Variants in ZNF264 observed in about 807,000 individuals in gnomAD.
ZNF264 encodes zinc finger protein 264.
ZNF264 carries 11 observed loss-of-function variants against 11.2 expected under a neutral mutation model. The observed-to-expected ratio is 0.98, with a 90% CI of 0.62 to 1.63. The LOEUF is 1.63. Ranked by LOEUF, ZNF264 falls within the 40% of genes most tolerant of loss-of-function variation. ZNF264 has a pLI of 0.00. For missense variants in ZNF264, 752 were observed against 768.1 expected (o/e 0.98, Z 0.25); for synonymous variants, 309 against 279.8 (o/e 1.10, Z -1.04).
chr19:57,212,146 A>G lies in ZNF264; in HGVS notation c.1049A>G (p.Lys350Arg). The G allele has an allele frequency of 3.7e-6, 6 of 1,614,192 alleles. No homozygotes were observed. Among genetic ancestry groups the G allele is most frequent in the East Asian group, 2.2e-5 (1 of 44,878 alleles). ...ENPYECLECG[K>R]VFKHRSYLMW... ...CCCTATGAGTGCTTGGAGTGTGGCA[A>G]GGTCTTCAAACACAGGTCATATCTC... The change falls in exon 4 of 4, where the codon AAG (lysine) becomes AGG (arginine). Residue 350 changes from lysine to arginine, a missense_variant. Physicochemically the swap from Lys to Arg is conservative, Grantham distance 26. Transcript: ENST00000263095.
At position 57,221,947 on chromosome 19, in the gene ZNF264, G is replaced by A. The variant is rs114879852; in HGVS notation, c.*8966G>A. On this transcript the variant is annotated 3_prime_UTR_variant, in exon 4 of 4. Coordinates refer to ENST00000263095, the MANE Select transcript of ZNF264 (RefSeq NM_003417.5). ...TCTCCAACCTGCTGTTTTATACAGT[G>A]ACTTAAGTGGTACTAAAATGCTATA... is the stretch of plus-strand genomic sequence containing the variant. 111 of 152,234 alleles carry A rather than the reference G, an allele frequency of 7.3e-4. No homozygotes were observed. The highest frequency in any genetic ancestry group is 2.6e-3 in the African/African-American group (109 of 41,520). The allele number at this position is 152,234 out of a possible 1,614,324, so 9.4% of individuals were successfully genotyped here. A position where few individuals can be genotyped will look rare whatever the true frequency, so the allele number is the denominator to read the frequency against.
intron 3 of ZNF264, among the ~76,000 whole-genome samples, chr19:57,206,204 T>C (rs2087290886): frequency 6.6e-6 from 1 of 152,162 alleles, no homozygotes; most frequent in Non-Finnish European, 1.5e-5. Context: ...GCACCTACTC[T>C]CAGTCCACTA....
In ZNF264 at chr19:57,212,975, A is replaced by C. The variant is rs2122768669; in HGVS notation, c.1878A>C (p.Ser626=). 2 of 1,602,652 alleles carry C rather than the reference A, an allele frequency of 1.2e-6. No individual in the cohort carries two copies. The highest frequency in any genetic ancestry group is 2.2e-5 in the South Asian group (2 of 90,384). ...AAAGAGAAACCCCACAAGTGTCTTC[A>C]CTGTGAGAAAACCTTCTGTTGCTGA... is the stretch of plus-strand genomic sequence containing the variant. ...PYQRETPQVS[S]L is the part of the protein sequence containing the mutation. Residue 626 remains serine (S), a synonymous_variant, in exon 4 of 4, where the codon TCA becomes TCC. Coordinates refer to ENST00000263095, the MANE Select transcript of ZNF264 (RefSeq NM_003417.5).
Position 57,211,990 on chromosome 19 carries a change from A to C in ZNF264, c.893A>C (p.His298Pro). Reference protein sequence around the residue: ...KCNECGKAFTHRSNFVLHNRR... With the variant: ...KCNECGKAFTPRSNFVLHNRR... ...AATGAATGCGGAAAGGCCTTCACCC[A>C]CCGCTCCAATTTTGTCTTGCATAAC... Residue 298 changes from histidine (H) to proline (P), a missense_variant, in exon 4 of 4, where the codon CAC becomes CCC. His to Pro is a moderately conservative substitution (Grantham distance 77, BLOSUM62 -2). Transcript: ENST00000263095. 1 of 1,614,038 alleles carries C rather than the reference A, an allele frequency of 6.2e-7. No individual in the cohort carries two copies. Among genetic ancestry groups the C allele is most frequent in the Non-Finnish European group, 8.5e-7 (1 of 1,180,010 alleles).
Position 57,211,594 on chromosome 19 carries a change from G to A in ZNF264, c.497G>A (p.Gly166Asp), listed in dbSNP as rs61730301. 10,305 of 1,614,054 alleles carry A rather than the reference G, an allele frequency of 6.4e-3. 563 individuals carry two copies. In the African/African-American group the frequency reaches 0.12, roughly 19 times the overall value. ...PECDGLGTAD[G>D]VCSRIGQEQV... ...TGTGATGGTTTAGGGACAGCTGATG[G>A]TGTGTGTTCAAGGATTGGACAGGAG... The change falls in exon 4 of 4, where the codon GGT (glycine) becomes GAT (aspartate). Residue 166 changes from glycine to aspartate, a missense_variant. Coordinates refer to ENST00000263095, the MANE Select transcript of ZNF264 (RefSeq NM_003417.5).
chr19:57,211,117 C>G (rs2122763618), intron 3 of ZNF264, among the ~76,000 whole-genome samples: 1 of 152,254 alleles, frequency 6.6e-6, no homozygotes, highest in Admixed American at 6.5e-5. Context: ...GTGAAGGTGG[C>G]TCCACGAACA....
intron 2 of ZNF264, among the ~76,000 whole-genome samples, chr19:57,198,978 G>A (rs556064763): frequency 2.6e-5 from 4 of 151,906 alleles, no homozygotes; most frequent in East Asian, 1.9e-4. Flanking sequence ...TTGTCCATTC[G>A]ACCTGGAAGT....
At position 57,216,695 on chromosome 19, in the gene ZNF264, T is replaced by A. The variant is rs911772423; in HGVS notation, c.*3714T>A. The A allele has an allele frequency of 1.3e-5, 2 of 152,194 alleles. No homozygotes were observed. Among genetic ancestry groups the A allele is most frequent in the Admixed American group, 6.5e-5 (1 of 15,276 alleles). The allele number at this position is 152,194 out of a possible 1,614,324, so 9.4% of individuals were successfully genotyped here. ...GCATATACTCAGGCCATGCTTTTTT[T>A]ATTCATTCTGCATATGTCTCTCTTA... On this transcript the variant is annotated 3_prime_UTR_variant, in exon 4 of 4. Coordinates refer to ENST00000263095, the MANE Select transcript of ZNF264 (RefSeq NM_003417.5).
rs1210593281 is a variant in ZNF264 at position 57,217,199 on chromosome 19, C to T, written c.*4218C>T. 6.6e-6 allele frequency: 1 copy of T among 152,110 alleles called. No individual in the cohort carries two copies. The highest frequency in any genetic ancestry group is 1.5e-5 in the Non-Finnish European group (1 of 68,000). The allele number at this position is 152,110 out of a possible 1,614,324, so 9.4% of individuals were successfully genotyped here. On this transcript the variant is annotated 3_prime_UTR_variant, in exon 4 of 4. Coordinates refer to ENST00000263095, the MANE Select transcript of ZNF264 (RefSeq NM_003417.5). Reference sequence around the variant, plus strand: ...ACCATTGTAAAGTCAAGTAGTAAGTCGAACCATCCTAAGTCAGGGACTGTC... The same window carrying T: ...ACCATTGTAAAGTCAAGTAGTAAGTTGAACCATCCTAAGTCAGGGACTGTC...
Position 57,217,505 on chromosome 19 carries a change from C to G in ZNF264, c.*4524C>G, listed in dbSNP as rs2087388287. The G allele has an allele frequency of 6.6e-6, 1 of 151,986 alleles. No individual in the cohort carries two copies. The highest frequency in any genetic ancestry group is 2.4e-5 in the African/African-American group (1 of 41,374). 9.4% of individuals were successfully genotyped at this position (151,986 alleles called of 1,614,324 possible). A position where few individuals can be genotyped will look rare whatever the true frequency, so the allele number is the denominator to read the frequency against. Reference sequence around the variant, plus strand: ...CGATCTCGGCTCTCTGCAACCTCTGCCTCCCGGGTTCAAGCAATTAACTGC... The same window carrying G: ...CGATCTCGGCTCTCTGCAACCTCTGGCTCCCGGGTTCAAGCAATTAACTGC... On this transcript the variant is annotated 3_prime_UTR_variant, in exon 4 of 4. Coordinates refer to ENST00000263095, the MANE Select transcript of ZNF264 (RefSeq NM_003417.5).
chr19:57,206,325 G>A (rs1233490164), intron 3 of ZNF264, among the ~76,000 whole-genome samples: 2 of 152,008 alleles, frequency 1.3e-5, no homozygotes, highest in Non-Finnish European at 2.9e-5. Flanking sequence ...CTCACTGCAA[G>A]CTCCGCCTCC....
rs1366087201 is a variant in ZNF264, at chr19:57,212,131, G to A, written c.1034G>A (p.Cys345Tyr). The change falls in exon 4 of 4, where the codon TGC (cysteine) becomes TAC (tyrosine). Residue 345 changes from cysteine to tyrosine, a missense_variant. Transcript: ENST00000263095. ...VVHSGENPYE[C>Y]LECGKVFKHR... ...CACAGTGGTGAGAATCCCTATGAGT[G>A]CTTGGAGTGTGGCAAGGTCTTCAAA... is the stretch of plus-strand genomic sequence containing the variant. The A allele has an allele frequency of 1.2e-6, 2 of 1,614,202 alleles. No homozygotes were observed. Among genetic ancestry groups the A allele is most frequent in the Admixed American group, 1.7e-5 (1 of 60,030 alleles).
chr19:57,220,093 G>C lies in ZNF264; in HGVS notation c.*7112G>C, dbSNP rs1174916088. 6.6e-6 allele frequency: 1 copy of C among 152,228 alleles called. No homozygotes were observed. The highest frequency in any genetic ancestry group is 1.5e-5 in the Non-Finnish European group (1 of 68,044). The allele number at this position is 152,228 out of a possible 1,614,324, so 9.4% of individuals were successfully genotyped here. The stretch of plus-strand genomic sequence containing the variant: ...AGGCTCAGGTTAAGAATTTGCCCAA[G>C]GTTACACAGTTATGAAGTTTGGATT... On this transcript the variant is annotated 3_prime_UTR_variant, in exon 4 of 4. Coordinates refer to ENST00000263095, the MANE Select transcript of ZNF264 (RefSeq NM_003417.5).
In ZNF264 at chr19:57,216,580, A is replaced by G. The variant is rs2087381775; in HGVS notation, c.*3599A>G. 2 of 152,184 alleles carry G rather than the reference A, an allele frequency of 1.3e-5. No individual in the cohort carries two copies. Among genetic ancestry groups the G allele is most frequent in the East Asian group, 1.9e-4 (1 of 5,170 alleles). The allele number at this position is 152,184 out of a possible 1,614,324, so 9.4% of individuals were successfully genotyped here. Reference sequence around the variant, plus strand: ...GATGTTCTCATAGTGACTCCTGCATATTTTGATTAATGTTTGCATGGTTAA... The same window carrying G: ...GATGTTCTCATAGTGACTCCTGCATGTTTTGATTAATGTTTGCATGGTTAA... On this transcript the variant is annotated 3_prime_UTR_variant, in exon 4 of 4. Coordinates refer to ENST00000263095, the MANE Select transcript of ZNF264 (RefSeq NM_003417.5).
chr19:57,199,427 C>T (rs527346146), intron 2 of ZNF264, among the ~76,000 whole-genome samples: 7 of 152,028 alleles, frequency 4.6e-5, no homozygotes, highest in African/African-American at 1.7e-4. Flanking sequence ...ATCCCTTCCT[C>T]TACATTAGAC....
At chr19:57,203,459 G>C (rs549737519) in intron 2 of ZNF264, among the ~76,000 whole-genome samples, 1 of 152,168 alleles carries the variant, frequency 6.6e-6, no homozygotes, top group Non-Finnish European at 1.5e-5. Flanking sequence ...TATGACTACT[G>C]TATTTTCATC....
In ZNF264 at chr19:57,212,308, G is replaced by A; in HGVS notation, c.1211G>A (p.Cys404Tyr). The stretch of plus-strand genomic sequence containing the variant: ...GAGAAGCCCTTTGAGTGCCTCGAGT[G>A]TGGGAAGGCTTTCAACCACCGATCC... ...TGEKPFECLE[C>Y]GKAFNHRSYL... The change falls in exon 4 of 4, where the codon TGT becomes TAT. Residue 404 changes from cysteine (C) to tyrosine (Y), a missense_variant. Cys to Tyr is a radical substitution (Grantham distance 194, BLOSUM62 -2). Coordinates refer to ENST00000263095, the MANE Select transcript of ZNF264 (RefSeq NM_003417.5). The A allele has an allele frequency of 6.2e-7, 1 of 1,613,906 alleles. No individual in the cohort carries two copies. The highest frequency in any genetic ancestry group is 2.2e-5 in the East Asian group (1 of 44,822).
At chr19:57,192,021 A>G (rs2087177141) in intron 1 of ZNF264, 75 bp downstream of exon 1, 4 of 1,363,700 alleles carry the variant, frequency 2.9e-6, no homozygotes, top group South Asian at 3.1e-5. Flanking sequence ...GTGGGAGCCC[A>G]GGTATCCCCT....
At chr19:57,192,574 C>G in intron 1 of ZNF264, 1 of 985,250 alleles carries the variant, frequency 1.0e-6, no homozygotes, top group Non-Finnish European at 1.2e-6. Flanking sequence ...ATGGTTGGTT[C>G]ATTGTGGAAT....
Sources: gnomAD v4.1 joint callset for allele counts (sites outside exome capture counted in the v4.1 genomes callset) on GRCh38, gnomAD v4.1.1 for gene constraint, MANE v1.5 for transcripts, NCBI Gene and HGNC (gene_info 2026-07-23, HGNC 2026-07-21) for gene names.